COG5: variants seen among roughly 807,000 people sequenced by gnomAD.
The protein encoded by COG5 is component of oligomeric golgi complex 5, also known as conserved oligomeric Golgi complex subunit 5.
A neutral mutation model predicts 110.4 loss-of-function variants in COG5; 86 were observed. The ratio of observed to expected loss-of-function variants is 0.78; its 90% confidence interval spans 0.65 to 0.93. The LOEUF (loss-of-function observed/expected upper bound fraction) is 0.93. Among genes scored for constraint, COG5 ranks in the 40% least tolerant of loss-of-function variants. COG5 has a pLI of 0.00. For synonymous variants in COG5, 360 were observed against 334.6 expected, an observed-to-expected ratio of 1.08 and a Z score of -0.83; for missense variants, 1,077 against 987.0, an observed-to-expected ratio of 1.09 and a Z score of -1.22.
chr7:107,219,836 C>A (rs968001527), intron 19 of COG5, among the ~76,000 whole-genome samples: 1 of 152,142 alleles, frequency 6.6e-6, no homozygotes, highest in Non-Finnish European at 1.5e-5. Flanking sequence ...TTCAAATGTT[C>A]TTATCATTAA....
Position 107,339,112 on chromosome 7 carries a change from TCTG to T in COG5, c.1027-14594_1027-14592del, listed in dbSNP as rs370904035. The stretch of plus-strand genomic sequence containing the variant: ...GGGTAAAACAAACAAGATTCATCTA[TCTG>T]CTATCTTCAAGAGACTGATCTCACA... On this transcript the variant is annotated intron_variant, in intron 10 of 21. Coordinates refer to ENST00000297135, the MANE Select transcript of COG5 (RefSeq NM_006348.5). Among the ~76,000 whole-genome samples, 824 of 152,232 alleles carry T rather than the reference TCTG, an allele frequency of 5.4e-3. 9 individuals carry two copies. Among genetic ancestry groups the T allele is most frequent in the African/African-American group, 0.019 (802 of 41,548 alleles).
At chr7:107,507,484 T>C (rs1331520638) in intron 6 of COG5, among the ~76,000 whole-genome samples, 3 of 149,642 alleles carry the variant, frequency 2.0e-5, no homozygotes, top group Non-Finnish European at 4.5e-5. Context: ...TTTTTTTTTT[T>C]TTTTAGTAGA....
At chr7:107,225,581 C>T (rs1800274206) in intron 19 of COG5, among the ~76,000 whole-genome samples, 3 of 152,192 alleles carry the variant, frequency 2.0e-5, no homozygotes, top group Admixed American at 1.3e-4. Context: ...ATGACCCAAT[C>T]ACAGCTCACT....
At chr7:107,356,985 C>T (rs1812682056) in intron 10 of COG5, among the ~76,000 whole-genome samples, 1 of 152,058 alleles carries the variant, frequency 6.6e-6, no homozygotes, top group Non-Finnish European at 1.5e-5. Context: ...GTGCATATAT[C>T]ACTCTTCAGT....
At chr7:107,466,159 A>G (rs933269318) in intron 6 of COG5, among the ~76,000 whole-genome samples, 5 of 152,190 alleles carry the variant, frequency 3.3e-5, no homozygotes, top group African/African-American at 1.2e-4. Flanking sequence ...AATAAAATCC[A>G]TAATATTTAG....
At chr7:107,557,843 T>G in intron 2 of COG5, 133 bp downstream of exon 2, 1 of 1,217,186 alleles carries the variant, frequency 8.2e-7, no homozygotes, top group Non-Finnish European at 1.2e-6. Flanking sequence ...AAAATTTACT[T>G]TGAAAAATAA....
At chr7:107,303,802 C>A (rs1383652933) in intron 11 of COG5, among the ~76,000 whole-genome samples, 1 of 152,108 alleles carries the variant, frequency 6.6e-6, no homozygotes, top group Non-Finnish European at 1.5e-5. Context: ...ATTACCTATA[C>A]AATTTTAATT....
In COG5 at chr7:107,519,760, C is replaced by G. The variant is rs565257960; in HGVS notation, c.538+7477G>C. ...CTCCTTCAGATGATATTCCAAACAA[C>G]TGAAAAGGAGGGACTCCTCCCTAAC... On this transcript the variant is annotated intron_variant, in intron 6 of 21. Transcript: ENST00000297135. Among the ~76,000 whole-genome samples, 3 of 152,234 alleles carry G rather than the reference C, an allele frequency of 2.0e-5. No individual in the cohort carries two copies. In the East Asian group the frequency reaches 5.8e-4, roughly 29 times the overall value.
At chr7:107,543,773 C>T (rs759627759) in intron 5 of COG5, among the ~76,000 whole-genome samples, 5 of 152,060 alleles carry the variant, frequency 3.3e-5, no homozygotes, top group Admixed American at 1.3e-4. Flanking sequence ...GCCTGCCCTA[C>T]GGGTCCACAT....
intron 10 of COG5, among the ~76,000 whole-genome samples, chr7:107,340,243 C>T (rs971863521): frequency 9.2e-5 from 14 of 152,100 alleles, no homozygotes; most frequent in African/African-American, 3.4e-4. Context: ...CTATTAGGAA[C>T]ATCTCTATGC....
At chr7:107,471,263 A>G (rs1796616441) in intron 6 of COG5, 1 of 152,116 alleles carries the variant, frequency 6.6e-6, no homozygotes, top group South Asian at 2.1e-4. Flanking sequence ...CAGTTTGGTT[A>G]TTTTGATAAC....
At chr7:107,280,273 G>A (rs1485513621) in intron 14 of COG5, among the ~76,000 whole-genome samples, 1 of 151,956 alleles carries the variant, frequency 6.6e-6, no homozygotes, top group Non-Finnish European at 1.5e-5. Flanking sequence ...ATTTTGTCAA[G>A]ACTACAAGAT....
At chr7:107,544,795 T>C (rs1802298869) in intron 5 of COG5, among the ~76,000 whole-genome samples, 1 of 152,218 alleles carries the variant, frequency 6.6e-6, no homozygotes, top group South Asian at 2.1e-4. Context: ...TTAAAGATAT[T>C]GAGGTTTATG....
chr7:107,319,788 G>C (rs1225050298), intron 11 of COG5, among the ~76,000 whole-genome samples: 1 of 151,958 alleles, frequency 6.6e-6, no homozygotes, highest in East Asian at 1.9e-4. Flanking sequence ...TAAGAAACTG[G>C]TTTTCTCCAG....
intron 19 of COG5, among the ~76,000 whole-genome samples, chr7:107,223,564 CAGA>C (rs907277458): frequency 7.2e-5 from 11 of 152,320 alleles, no homozygotes; most frequent in African/African-American, 2.6e-4. Flanking sequence ...CTGAATGCAA[CAGA>C]AGACAGTGAG....
At chr7:107,287,653 C>T (rs573484844) in intron 12 of COG5, among the ~76,000 whole-genome samples, 2 of 152,266 alleles carry the variant, frequency 1.3e-5, no homozygotes, top group South Asian at 4.2e-4. Context: ...CTCACTCCAT[C>T]CCCAGGCCCA....
chr7:107,281,384 A>T lies in COG5; in HGVS notation c.1491T>A (p.Ala497=). 1 of 1,612,960 alleles carries T rather than the reference A, an allele frequency of 6.2e-7. No homozygotes were observed. The highest frequency in any genetic ancestry group is 8.5e-7 in the Non-Finnish European group (1 of 1,179,058). Residue 497 remains alanine, a synonymous_variant, in exon 14 of 22, where the codon GCT becomes GCA. Transcript: ENST00000297135. Reference sequence around the variant, plus strand: ...CTAATGTGAGGTTTGTATCAACAGCAGCAACATTTAGTTCACTGGAGAAAA... The same window carrying T: ...CTAATGTGAGGTTTGTATCAACAGCTGCAACATTTAGTTCACTGGAGAAAA... ...IKTIASELNV[A]AVDTNLTLAV...
At chr7:107,482,595 T>C (rs1797417707) in intron 6 of COG5, among the ~76,000 whole-genome samples, 1 of 126,696 alleles carries the variant, frequency 7.9e-6, no homozygotes, top group African/African-American at 2.7e-5. Context: ...CAGACTGTAC[T>C]GCCTTCTTGA....
intron 18 of COG5, among the ~76,000 whole-genome samples, chr7:107,235,202 C>T (rs1218394331): frequency 6.6e-6 from 1 of 152,182 alleles, no homozygotes; most frequent in Non-Finnish European, 1.5e-5. Context: ...GAGCACCTGA[C>T]AACCACTGAC....
Sources: gnomAD v4.1 joint callset for allele counts (sites outside exome capture counted in the v4.1 genomes callset) on GRCh38, gnomAD v4.1.1 for gene constraint, MANE v1.5 for transcripts, NCBI Gene and HGNC (gene_info 2026-07-23, HGNC 2026-07-21) for gene names.